SOX5: variants seen among roughly 807,000 people sequenced by gnomAD.
The protein encoded by SOX5 is SRY-box transcription factor 5.
SOX5 carries 9 observed loss-of-function variants against 92.0 expected under a neutral mutation model. That is an observed-to-expected ratio of 0.10 (90% CI 0.06 to 0.17). The LOEUF is 0.17. Among genes scored for constraint, SOX5 ranks in the 10% least tolerant of loss-of-function variants. SOX5 has a pLI of 1.00. For missense variants in SOX5, 642 were observed against 944.5 expected (o/e 0.68, Z 4.20); for synonymous variants, 344 against 336.3 (o/e 1.02, Z -0.25).
At chr12:23,843,690 A>G (rs1429099772) in intron 3 of SOX5, among the ~76,000 whole-genome samples, 4 of 150,440 alleles carry the variant, frequency 2.7e-5, no homozygotes, top group Non-Finnish European at 4.4e-5. Context: ...CGGCTGCTCA[A>G]GTAGCTGGGA....
At chr12:24,246,278 A>G (rs1231325194) in intron 3 of SOX5, among the ~76,000 whole-genome samples, 1 of 145,948 alleles carries the variant, frequency 6.9e-6, no homozygotes, top group Non-Finnish European at 1.5e-5. Context: ...AATTACAGAC[A>G]CAGATTTTTT....
intron 7 of SOX5, among the ~76,000 whole-genome samples, chr12:23,644,488 C>T (rs11047019): frequency 0.028 from 4,242 of 152,238 alleles, 91 homozygotes; most frequent in African/African-American, 0.053. Context: ...ACAAGAGCCC[C>T]AGATTATTTG....
intron 4 of SOX5, among the ~76,000 whole-genome samples, chr12:24,169,321 C>T (rs74068421): frequency 0.019 from 2,870 of 152,152 alleles, 86 homozygotes; most frequent in African/African-American, 0.063. Flanking sequence ...TTAAAGTCTT[C>T]GGGAAAAGAA....
At chr12:24,085,501 G>A (rs1479177375) in intron 4 of SOX5, among the ~76,000 whole-genome samples, 2 of 151,978 alleles carry the variant, frequency 1.3e-5, no homozygotes, top group African/African-American at 2.4e-5. Context: ...CAAATTATTG[G>A]AAGTATCATT....
chr12:24,138,256 T>C (rs929055578), intron 4 of SOX5, among the ~76,000 whole-genome samples: 4 of 152,214 alleles, frequency 2.6e-5, no homozygotes, highest in Non-Finnish European at 4.4e-5. Context: ...TTAGCAGAAG[T>C]ACGAAAGCAA....
At chr12:23,702,750 G>C (rs1361948470) in intron 6 of SOX5, among the ~76,000 whole-genome samples, 2 of 151,640 alleles carry the variant, frequency 1.3e-5, no homozygotes, top group East Asian at 3.8e-4. Flanking sequence ...GAGAAACAGA[G>C]AGTGTGTGTG....
intron 1 of SOX5, among the ~76,000 whole-genome samples, chr12:24,544,264 G>T (rs1417475984): frequency 6.6e-6 from 1 of 152,146 alleles, no homozygotes; most frequent in African/African-American, 2.4e-5. Flanking sequence ...CCAGGAAAGT[G>T]CTTATAAATA....
At chr12:23,639,130 T>C (rs1290711047) in intron 8 of SOX5, among the ~76,000 whole-genome samples, 4 of 152,108 alleles carry the variant, frequency 2.6e-5, no homozygotes, top group Admixed American at 6.5e-5. Flanking sequence ...AAAGTTTCTC[T>C]TGTTCAGTGA....
chr12:24,139,864 C>T (rs1331076735), intron 4 of SOX5, among the ~76,000 whole-genome samples: 4 of 152,130 alleles, frequency 2.6e-5, no homozygotes, highest in Non-Finnish European at 5.9e-5. Flanking sequence ...GCATTACCTG[C>T]CTGCCCTCTG....
chr12:24,103,050 A>G (rs1026707837), intron 4 of SOX5, among the ~76,000 whole-genome samples: 1 of 152,222 alleles, frequency 6.6e-6, no homozygotes, highest in African/African-American at 2.4e-5. Context: ...TGAAAGGGGA[A>G]GACAATTTCG....
chr12:23,806,614 T>A (rs2095779974), intron 3 of SOX5, among the ~76,000 whole-genome samples: 2 of 149,976 alleles, frequency 1.3e-5, no homozygotes, highest in Non-Finnish European at 3.0e-5. Flanking sequence ...AAAAAACTTT[T>A]CCTAAAACAA....
At chr12:24,171,435 G>A (rs1954149819) in intron 4 of SOX5, among the ~76,000 whole-genome samples, 1 of 152,012 alleles carries the variant, frequency 6.6e-6, no homozygotes, top group South Asian at 2.1e-4. Flanking sequence ...ATGTTAGCCA[G>A]GATGGTCTCG....
At chr12:24,309,260 A>C in intron 2 of SOX5, among the ~76,000 whole-genome samples, 1 of 152,162 alleles carries the variant, frequency 6.6e-6, no homozygotes, top group East Asian at 1.9e-4. Flanking sequence ...CTTGCAAAGG[A>C]AGGCCTAGAA....
At chr12:24,523,569 C>A (rs892052005) in intron 1 of SOX5, among the ~76,000 whole-genome samples, 1 of 152,116 alleles carries the variant, frequency 6.6e-6, no homozygotes. Context: ...AGAAGAGAGA[C>A]CCCAGTAGGA....
chr12:23,600,552 T>TATATATATATATAC (rs745640453), intron 9 of SOX5, among the ~76,000 whole-genome samples: 1,415 of 94,904 alleles, frequency 0.015, 29 homozygotes, highest in Non-Finnish European at 0.022. Flanking sequence ...TATATATATA[T>TATATATATATATAC]ACACATACTT....
At chr12:24,396,057 A>G (rs1042474223) in intron 1 of SOX5, among the ~76,000 whole-genome samples, 1 of 152,246 alleles carries the variant, frequency 6.6e-6, no homozygotes, top group Non-Finnish European at 1.5e-5. Context: ...CTCGTGTCAC[A>G]TAAGTTGGAA....
chr12:23,748,096 T>G (rs1177255636), intron 4 of SOX5, among the ~76,000 whole-genome samples: 1 of 152,090 alleles, frequency 6.6e-6, no homozygotes, highest in East Asian at 1.9e-4. Context: ...TCACCCAATT[T>G]TTATACTATA....
At chr12:24,149,694 G>A (rs905019357) in intron 4 of SOX5, among the ~76,000 whole-genome samples, 1 of 152,074 alleles carries the variant, frequency 6.6e-6, no homozygotes, top group African/African-American at 2.4e-5. Flanking sequence ...TCAAGAATAT[G>A]GCCATAAAAA....
intron 4 of SOX5, among the ~76,000 whole-genome samples, chr12:24,153,786 T>G (rs748819241): frequency 6.6e-6 from 1 of 152,134 alleles, no homozygotes; most frequent in African/African-American, 2.4e-5. Context: ...TCCTGATCTG[T>G]GAAAAGTACA....
Sources: allele counts gnomAD v4.1 joint callset (sites outside exome capture counted in the v4.1 genomes callset), GRCh38; gene constraint gnomAD v4.1.1; transcripts MANE v1.5; gene names NCBI Gene and HGNC (gene_info 2026-07-23, HGNC 2026-07-21).